HDAC9: variants seen among roughly 807,000 people sequenced by gnomAD.
HDAC9 encodes the protein histone deacetylase 9.
A neutral mutation model predicts 139.4 loss-of-function variants in HDAC9; 41 were observed. The observed-to-expected ratio is 0.29, with a 90% CI of 0.23 to 0.38. The LOEUF (loss-of-function observed/expected upper bound fraction) is 0.38. Among genes scored for constraint, HDAC9 ranks in the 10% least tolerant of loss-of-function variants. The pLI is 1.00. For missense variants in HDAC9, 1,147 were observed against 1,297.0 expected (o/e 0.88, Z 1.78); for synonymous variants, 517 against 476.2 (o/e 1.09, Z -1.12).
At chr7:18,948,521 G>A (rs1232184583) in intron 23 of HDAC9, among the ~76,000 whole-genome samples, 1 of 152,020 alleles carries the variant, frequency 6.6e-6, no homozygotes, top group African/African-American at 2.4e-5. Context: ...AGGGAAACTG[G>A]GTGAAGAGTA....
rs957906462 is a variant in HDAC9 at position 18,196,087 on chromosome 7, C to T, written c.25+33738C>T. 5.3e-5 allele frequency among the ~76,000 whole-genome samples: 8 copies of T among 152,130 alleles called. No homozygotes were observed. The East Asian group carries it at 1.3e-3, about 26-fold the overall frequency. ...TAATTATTTGAATATTTATCCATCT[C>T]TTATATAAGACTGCACATTTCTTGA... On this transcript the variant is annotated intron_variant, in intron 2 of 12. Transcript: ENST00000417496.
intron 12 of HDAC9, among the ~76,000 whole-genome samples, chr7:18,692,861 G>A (rs978409383): frequency 6.6e-6 from 1 of 151,932 alleles, no homozygotes; most frequent in African/African-American, 2.4e-5. Context: ...TTATTTTTTT[G>A]TGGAAAGAAA....
chr7:18,793,686 G>A (rs984717579), intron 17 of HDAC9, among the ~76,000 whole-genome samples: 3 of 152,206 alleles, frequency 2.0e-5, no homozygotes, highest in Admixed American at 6.5e-5. Flanking sequence ...GCCCACCGGT[G>A]TGCATGTAAG....
intron 21 of HDAC9, among the ~76,000 whole-genome samples, chr7:18,865,576 A>G (rs1406783211): frequency 3.9e-5 from 6 of 152,112 alleles, no homozygotes; most frequent in South Asian, 4.2e-4. Context: ...GTAAACCTTC[A>G]TTTAGTGCCC....
chr7:18,169,621 G>A (rs770866923), intron 2 of HDAC9, among the ~76,000 whole-genome samples: 26 of 151,640 alleles, frequency 1.7e-4, no homozygotes, highest in African/African-American at 3.9e-4. Flanking sequence ...GTCCCCCACC[G>A]CACGACAGGC....
chr7:18,988,555 G>T (rs1411777940), intron 25 of HDAC9, among the ~76,000 whole-genome samples: 3 of 152,058 alleles, frequency 2.0e-5, no homozygotes. Flanking sequence ...TTGGGGTGGA[G>T]AGTTCTGTAG....
At chr7:18,662,862 C>A (rs1435782898) in intron 11 of HDAC9, among the ~76,000 whole-genome samples, 1 of 152,090 alleles carries the variant, frequency 6.6e-6, no homozygotes, top group Admixed American at 6.6e-5. Context: ...TTGGAGAACA[C>A]TCAGCATGAT....
chr7:18,113,830 T>C (rs1247534409), intron 1 of HDAC9, among the ~76,000 whole-genome samples: 2 of 152,192 alleles, frequency 1.3e-5, no homozygotes, highest in East Asian at 3.9e-4. Flanking sequence ...TAGTTTGACA[T>C]TTCAAATCTT....
At chr7:18,172,986 G>A (rs1788570006) in intron 2 of HDAC9, among the ~76,000 whole-genome samples, 1 of 152,264 alleles carries the variant, frequency 6.6e-6, no homozygotes, top group East Asian at 1.9e-4. Flanking sequence ...GCAGAGCTGA[G>A]TTCAAGTCCT....
At chr7:18,684,476 AC>A (rs1257315010) in intron 12 of HDAC9, among the ~76,000 whole-genome samples, 10 of 151,750 alleles carry the variant, frequency 6.6e-5, no homozygotes, top group African/African-American at 2.4e-4. Flanking sequence ...AAACAAACAA[AC>A]AAACAAACAA....
At chr7:18,545,113 A>G (rs774564848) in intron 2 of HDAC9, among the ~76,000 whole-genome samples, 10 of 152,206 alleles carry the variant, frequency 6.6e-5, no homozygotes, top group Non-Finnish European at 1.2e-4. Flanking sequence ...GAAATCCTGC[A>G]CTAAACGTAT....
intron 24 of HDAC9, among the ~76,000 whole-genome samples, chr7:18,965,070 A>T (rs1783760256): frequency 6.6e-6 from 1 of 152,220 alleles, no homozygotes; most frequent in African/African-American, 2.4e-5. Context: ...CAGTTTATTC[A>T]TAAATAGCTT....
chr7:18,697,837 T>C (rs1783166213), intron 12 of HDAC9, among the ~76,000 whole-genome samples: 1 of 152,118 alleles, frequency 6.6e-6, no homozygotes, highest in African/African-American at 2.4e-5. Context: ...CCAAGATTTT[T>C]ATTTTAGGGT....
chr7:18,862,686 C>CA (rs1798200756), intron 21 of HDAC9, among the ~76,000 whole-genome samples: 1 of 152,038 alleles, frequency 6.6e-6, no homozygotes, highest in African/African-American at 2.4e-5. Context: ...TTTATACTGA[C>CA]AGAGTTCCCA....
intron 13 of HDAC9, among the ~76,000 whole-genome samples, chr7:18,744,181 G>A (rs996794482): frequency 4.6e-5 from 7 of 151,832 alleles, no homozygotes; most frequent in African/African-American, 1.5e-4. Context: ...TAGTAGAGAC[G>A]GGGTTTCTCC....
chr7:18,817,210 A>AT lies in HDAC9; in HGVS notation c.2323-11945dup, dbSNP rs1344851522. The stretch of plus-strand genomic sequence containing the variant: ...CCACCACGCCTGCCTGATTTTTTGT[A>AT]TTTTTTAGTAGAGACGGGTTTCACC... On this transcript the variant is annotated intron_variant, in intron 17 of 25. Transcript: ENST00000686413. Among the ~76,000 whole-genome samples the AT allele has an allele frequency of 2.6e-5, 4 of 151,784 alleles. No individual in the cohort carries two copies. In the East Asian group the frequency reaches 7.7e-4, roughly 29 times the overall value.
intron 20 of HDAC9, 22 bp downstream of exon 20, chr7:18,835,608 C>G (rs1177788689): frequency 6.2e-7 from 1 of 1,613,210 alleles, no homozygotes; most frequent in African/African-American, 1.3e-5. Flanking sequence ...TTCTTTAGAG[C>G]CCCACTTTTA....
At chr7:18,586,013 A>T (rs1829370285) in intron 3 of HDAC9, among the ~76,000 whole-genome samples, 3 of 152,212 alleles carry the variant, frequency 2.0e-5, no homozygotes, top group African/African-American at 7.2e-5. Context: ...AAAAGATCTC[A>T]TAATGTACAC....
At chr7:18,710,861 G>C (rs1035017779) in intron 12 of HDAC9, among the ~76,000 whole-genome samples, 1 of 152,204 alleles carries the variant, frequency 6.6e-6, no homozygotes, top group Non-Finnish European at 1.5e-5. Context: ...AGATTAGCCA[G>C]TGGGGAATAT....
Sources: gnomAD v4.1 joint callset for allele counts (sites outside exome capture counted in the v4.1 genomes callset) on GRCh38, gnomAD v4.1.1 for gene constraint, MANE v1.5 for transcripts, NCBI Gene and HGNC (gene_info 2026-07-23, HGNC 2026-07-21) for gene names.